The following MINK1 variants were observed in gnomAD, a reference collection of about 807,000 sequenced individuals.
MINK1 encodes misshapen like kinase 1.
A neutral mutation model predicts 178.4 loss-of-function variants in MINK1; 46 were observed. The observed-to-expected ratio is 0.26, with a 90% CI of 0.20 to 0.33. The LOEUF is 0.33. MINK1 is among the 10% of genes least tolerant of loss of function. The pLI is 1.00. For synonymous variants in MINK1, 797 were observed against 709.7 expected (o/e 1.12, Z -1.96); for missense variants, 1,366 against 1,814.9 (o/e 0.75, Z 4.49).
At chr17:4,879,568 T>C (rs1567598769) in intron 2 of MINK1, among the ~76,000 whole-genome samples, 1 of 152,166 alleles carries the variant, frequency 6.6e-6, no homozygotes, top group Non-Finnish European at 1.5e-5. Flanking sequence ...AGGATAAAAA[T>C]TACCCATGGG....
Position 4,863,932 on chromosome 17 carries a change from G to A in MINK1, c.58-14385G>A, listed in dbSNP as rs1446505262. 3.3e-5 allele frequency among the ~76,000 whole-genome samples: 5 copies of A among 152,182 alleles called. No individual in the cohort carries two copies. The East Asian group carries it at 7.8e-4, about 24-fold the overall frequency. On this transcript the variant is annotated intron_variant, in intron 1 of 31. Coordinates refer to ENST00000355280, the MANE Select transcript of MINK1 (RefSeq NM_153827.5). ...AGCCTCCCAAGTAGCTGGATTACAC[G>A]TGTGTGCCACCACGCCCAGCTAATT...
In MINK1 at chr17:4,833,705, G is replaced by A; in HGVS notation, c.57+65G>A. 1 of 1,340,760 alleles carries A rather than the reference G, an allele frequency of 7.5e-7. No homozygotes were observed. Among genetic ancestry groups the A allele is most frequent in the Non-Finnish European group, 9.9e-7 (1 of 1,014,104 alleles). The allele number at this position is 1,340,760 out of a possible 1,614,324, so 83.1% of individuals were successfully genotyped here. On this transcript the variant is annotated intron_variant, in intron 1 of 31. Transcript: ENST00000355280. The surrounding 1 kb of genome is among the most constrained non-coding windows in gnomAD (Gnocchi z 4.8). ...CCCGCCGCAGGGGAGGGAGCGGGGT[G>A]GCTGCACGCCTCACGTGCTCCCGGG...
chr17:4,895,985 C>G lies in MINK1; in HGVS notation c.3365-18C>G, dbSNP rs981701928. Reference sequence around the variant, plus strand: ...CAAGAAGGGAAGTCTCAGCATCCCTCTTCTCTCCCGCCCCCAGTGAAATAC... The same window carrying G: ...CAAGAAGGGAAGTCTCAGCATCCCTGTTCTCTCCCGCCCCCAGTGAAATAC... On this transcript the variant is annotated intron_variant, in intron 27 of 31. Coordinates refer to ENST00000355280, the MANE Select transcript of MINK1 (RefSeq NM_153827.5). This position sits in a 1 kb window ranked among gnomAD's most constrained non-coding sequence, Gnocchi z 4.3. 5.7e-6 allele frequency: 9 copies of G among 1,581,358 alleles called. No homozygotes were observed. The East Asian group carries it at 2.1e-4, about 37-fold the overall frequency.
intron 4 of MINK1, among the ~76,000 whole-genome samples, chr17:4,883,971 C>G (rs1377203643): frequency 6.6e-6 from 1 of 151,942 alleles, no homozygotes; most frequent in Non-Finnish European, 1.5e-5. Context: ...TCCTTGGACT[C>G]CTACTCTAAA....
rs1245743583 is a variant in MINK1, at chr17:4,894,488, T to TG, written c.2809-36dup. On this transcript the variant is annotated intron_variant, in intron 23 of 31. Coordinates refer to ENST00000355280, the MANE Select transcript of MINK1 (RefSeq NM_153827.5). This position sits in a 1 kb window ranked among gnomAD's most constrained non-coding sequence, Gnocchi z 4.1. The stretch of plus-strand genomic sequence containing the variant: ...GCAGGGGCAGGGCCGCAGCTGGACT[T>TG]GCACTTGTTTGCCTGACTGCTGTCC... 31 of 1,550,070 alleles carry TG rather than the reference T, an allele frequency of 2.0e-5. No homozygotes were observed. The highest frequency in any genetic ancestry group is 2.7e-5 in the Non-Finnish European group (31 of 1,141,344).
intron 1 of MINK1, among the ~76,000 whole-genome samples, chr17:4,850,713 G>C (rs959214385): frequency 1.3e-5 from 2 of 152,146 alleles, no homozygotes; most frequent in Non-Finnish European, 2.9e-5. Context: ...TGGTCATGAA[G>C]CTTCTCTAGT....
At chr17:4,839,024 A>G (rs930308206) in intron 1 of MINK1, among the ~76,000 whole-genome samples, 2 of 151,842 alleles carry the variant, frequency 1.3e-5, no homozygotes, top group East Asian at 1.9e-4. Flanking sequence ...GCTCACTGCA[A>G]GCTCCACCTC....
rs573818901 is a variant in MINK1, at chr17:4,849,496, C to G, written c.57+15856C>G. On this transcript the variant is annotated intron_variant, in intron 1 of 31. Transcript: ENST00000355280. ...TGCCTTGCCTGGAGATTTGAGATTC[C>G]TGCCTTGAGCCTTTGTGTGCTCCCC... Among the ~76,000 whole-genome samples the G allele has an allele frequency of 3.5e-3, 539 of 152,302 alleles. 1 individual carries two copies. The highest frequency in any genetic ancestry group is 0.01 in the Middle Eastern group (3 of 294).
chr17:4,859,290 C>G, intron 1 of MINK1: 1 of 985,396 alleles, frequency 1.0e-6, no homozygotes, highest in East Asian at 1.1e-4. Flanking sequence ...CTTTCCAGCA[C>G]CGAAATTCAA....
intron 1 of MINK1, chr17:4,854,821 T>C (rs1042153772): frequency 2.1e-6 from 1 of 476,276 alleles, no homozygotes; most frequent in Non-Finnish European, 4.2e-6. Flanking sequence ...CCGGTTGAGT[T>C]CCACAGTGTG....
intron 1 of MINK1, among the ~76,000 whole-genome samples, chr17:4,874,099 G>A (rs1181851302): frequency 6.6e-6 from 1 of 152,174 alleles, no homozygotes; most frequent in African/African-American, 2.4e-5. Flanking sequence ...TTCGGTTGCT[G>A]TTTATGATAT....
In MINK1 at chr17:4,848,758, A is replaced by G. The variant is rs528506115; in HGVS notation, c.57+15118A>G. Among the ~76,000 whole-genome samples, 5 of 152,234 alleles carry G rather than the reference A, an allele frequency of 3.3e-5. No individual in the cohort carries two copies. In the East Asian group the frequency reaches 9.6e-4, roughly 29 times the overall value. The stretch of plus-strand genomic sequence containing the variant: ...GTGATCCGTCTGCCTCAGCCTCCCA[A>G]AGTGCTGGGATTACAGGCCTAAGCC... On this transcript the variant is annotated intron_variant, in intron 1 of 31. Transcript: ENST00000355280.
rs778350968 is a variant in MINK1, at chr17:4,896,728, G to A, written c.3830G>A (p.Arg1277His). Residue 1277 changes from arginine to histidine, a missense_variant, in exon 31 of 32, where the codon CGC becomes CAC. Coordinates refer to ENST00000355280, the MANE Select transcript of MINK1 (RefSeq NM_153827.5). This position sits in a 1 kb window ranked among gnomAD's most constrained non-coding sequence, Gnocchi z 4.6. ...MGWGEKAIEI[R>H]SVETGHLDGV... The stretch of plus-strand genomic sequence containing the variant: ...TGGGGTGAGAAAGCCATTGAGATCC[G>A]CTCTGTGGAGACGGGCCACCTCGAC... 3 of 1,603,986 alleles carry A rather than the reference G, an allele frequency of 1.9e-6. No individual in the cohort carries two copies. The highest frequency in any genetic ancestry group is 1.7e-4 in the Middle Eastern group (1 of 6,032).
rs779711842 is a variant in MINK1 at position 4,890,506 on chromosome 17, C to T, written c.1348-11C>T. On this transcript the variant is annotated splice_polypyrimidine_tract_variant and intron_variant, in intron 13 of 31. Coordinates refer to ENST00000355280, the MANE Select transcript of MINK1 (RefSeq NM_153827.5). ...CCCTGCTGAGCCCTCTCTCCCTACC[C>T]TTGGGCCCAGGAATACAAGCGGAAG... is the stretch of plus-strand genomic sequence containing the variant. 1.5e-5 allele frequency: 23 copies of T among 1,580,774 alleles called. No individual in the cohort carries two copies. In the South Asian group the frequency reaches 2.4e-4, roughly 17 times the overall value.
chr17:4,839,698 C>T (rs1401131049), intron 1 of MINK1, among the ~76,000 whole-genome samples: 7 of 152,018 alleles, frequency 4.6e-5, no homozygotes, highest in Non-Finnish European at 1.0e-4. Context: ...TTTTGAGGCT[C>T]TTTGTTCTTA....
chr17:4,855,314 G>A lies in MINK1; in HGVS notation c.57+21674G>A, dbSNP rs190237078. Among the ~76,000 whole-genome samples, 580 of 145,474 alleles carry A rather than the reference G, an allele frequency of 4.0e-3. 3 individuals are homozygous for A. The highest frequency in any genetic ancestry group is 0.013 in the African/African-American group (506 of 39,008). On this transcript the variant is annotated intron_variant, in intron 1 of 31. Transcript: ENST00000355280. ...ATCCTGGCTAACAAGGTGAAACCCC[G>A]TCTCTACTAAAAATACAAAAAATTA...
In MINK1 at chr17:4,893,044, C is replaced by T. The variant is rs764957831; in HGVS notation, c.2377C>T (p.Arg793Cys). 6.4e-6 allele frequency: 10 copies of T among 1,572,410 alleles called. No individual in the cohort carries two copies. Among genetic ancestry groups the T allele is most frequent in the South Asian group, 1.2e-5 (1 of 85,434 alleles). The change falls in exon 20 of 32, where the codon CGC (arginine) becomes TGC (cysteine). Residue 793 changes from arginine to cysteine, a missense_variant. Physicochemically the swap from Arg to Cys is radical, Grantham distance 180. This residue lies in a region of MINK1 where 709 missense variants were observed against 692.3 expected (regional missense o/e 1.02). Transcript: ENST00000355280. ...PGNKAKPDDH[R>C]SRPGRPADFV... ...GAATAAAGCCAAGCCCGACGACCAC[C>T]GCTCACGGCCAGGCCGGCCCGCAGT...
intron 1 of MINK1, among the ~76,000 whole-genome samples, chr17:4,856,165 A>G (rs917195264): frequency 6.6e-6 from 1 of 152,128 alleles, no homozygotes; most frequent in Non-Finnish European, 1.5e-5. Flanking sequence ...ATTCACCCCA[A>G]GCACCTTGGG....
rs111808378 is a variant in MINK1, at chr17:4,894,406, C to T, written c.2808+95C>T. ...GGTAACGGCAGAGGATGGGGCGGAG[C>T]GCTGGGAGCTGGACAGCGGGGGTGC... On this transcript the variant is annotated intron_variant, in intron 23 of 31. Transcript: ENST00000355280. The surrounding 1 kb of genome is among the most constrained non-coding windows in gnomAD (Gnocchi z 4.1). The T allele has an allele frequency of 1.0e-4, 154 of 1,539,472 alleles. No individual in the cohort carries two copies. In the African/African-American group the frequency reaches 1.3e-3, roughly 13 times the overall value.
Sources: allele counts gnomAD v4.1 joint callset (sites outside exome capture counted in the v4.1 genomes callset), GRCh38; gene constraint gnomAD v4.1.1; regional missense constraint gnomAD v4.1.1; non-coding constraint Gnocchi (gnomAD v3.1); transcripts MANE v1.5; gene names NCBI Gene and HGNC (gene_info 2026-07-23, HGNC 2026-07-21).